PXK: variants seen among roughly 807,000 people sequenced by gnomAD.
PXK encodes PX domain-containing protein kinase-like protein.
PXK carries 35 observed loss-of-function variants against 84.7 expected under a neutral mutation model. The ratio of observed to expected loss-of-function variants is 0.41; its 90% CI spans 0.32 to 0.55. PXK has a LOEUF of 0.55. PXK is among the 20% of genes least tolerant of loss of function. The probability of loss-of-function intolerance (pLI) is 0.21; values close to 1 mark genes in which losing one functional copy is unlikely to be tolerated. For missense variants in PXK, 634 were observed against 699.7 expected, an observed-to-expected ratio of 0.91 and a Z score of 1.06; for synonymous variants, 253 against 260.8, an observed-to-expected ratio of 0.97 and a Z score of 0.29.
At chr3:58,350,491 C>G (rs989206452) in intron 1 of PXK, among the ~76,000 whole-genome samples, 1 of 152,200 alleles carries the variant, frequency 6.6e-6, no homozygotes, top group Non-Finnish European at 1.5e-5. Context: ...GCACTCTGTT[C>G]ATCAAAATGA....
At chr3:58,366,257 C>T (rs982335495) in intron 2 of PXK, among the ~76,000 whole-genome samples, 2 of 152,048 alleles carry the variant, frequency 1.3e-5, no homozygotes, top group Non-Finnish European at 2.9e-5. Context: ...GGTTTGAGTT[C>T]AGTCTACCAG....
In PXK at chr3:58,412,767, C is replaced by G. The variant is rs370158411; in HGVS notation, c.1466-134C>G. On this transcript the variant is annotated intron_variant, in intron 16 of 17. Coordinates refer to ENST00000356151, the MANE Select transcript of PXK (RefSeq NM_017771.5). The surrounding 1 kb of genome is among the most constrained non-coding windows in gnomAD (Gnocchi z 6.2). ...GGTCCGGTCTCTGAGTTTTTTGTCC[C>G]TCATCATCTTGTTTCACAAGGCTCA... 2.0e-4 allele frequency: 170 copies of G among 871,608 alleles called. 1 individual carries two copies. The African/African-American group carries it at 2.1e-3, about 11-fold the overall frequency. The allele number at this position is 871,608 out of a possible 1,614,324, so 54.0% of individuals were successfully genotyped here. A position where few individuals can be genotyped will look rare whatever the true frequency, so the allele number is the denominator to read the frequency against.
Position 58,369,431 on chromosome 3 carries a change from A to G in PXK, c.154A>G (p.Ile52Val). ...AAACACTACTTCTTGTCTCTTACAG[A>G]TTGTTAGAAGATACAGTGACTTTGA... ...RGISVENSWQIVRRYSDFDLL... is the reference protein window; with the variant it reads ...RGISVENSWQVVRRYSDFDLL... Residue 52 changes from isoleucine to valine, a missense_variant and splice_region_variant, in exon 3 of 18, where the codon ATT becomes GTT. Physicochemically the swap from Ile to Val is conservative, Grantham distance 29. Coordinates refer to ENST00000356151, the MANE Select transcript of PXK (RefSeq NM_017771.5). The G allele has an allele frequency of 3.1e-6, 5 of 1,606,794 alleles. No individual in the cohort carries two copies. The highest frequency in any genetic ancestry group is 4.3e-6 in the Non-Finnish European group (5 of 1,173,504).
In PXK at chr3:58,366,491, G is replaced by T. The variant is rs542842689; in HGVS notation, c.153+567G>T. 2.0e-5 allele frequency among the ~76,000 whole-genome samples: 3 copies of T among 152,150 alleles called. No individual in the cohort carries two copies. In the South Asian group the frequency reaches 6.2e-4, roughly 32 times the overall value. On this transcript the variant is annotated intron_variant, in intron 2 of 17. Coordinates refer to ENST00000356151, the MANE Select transcript of PXK (RefSeq NM_017771.5). ...TTCCCATCTGAGTTGACTTACAGAG[G>T]GTGGCTGAATTCTGCATAGGGGCCC...
Position 58,379,873 on chromosome 3 carries a change from G to A in PXK, c.202-2641G>A, listed in dbSNP as rs1441381860. 6.6e-6 allele frequency among the ~76,000 whole-genome samples: 1 copy of A among 152,120 alleles called. No individual in the cohort carries two copies. Among genetic ancestry groups the A allele is most frequent in the Non-Finnish European group, 1.5e-5 (1 of 68,032 alleles). On this transcript the variant is annotated intron_variant, in intron 3 of 17. Coordinates refer to ENST00000356151, the MANE Select transcript of PXK (RefSeq NM_017771.5). This position sits in a 1 kb window ranked among gnomAD's most constrained non-coding sequence, Gnocchi z 5.1. Reference sequence around the variant, plus strand: ...CAGGTGTGTACCACTTGTAGAGGCTGAGGTGACAGGATTGCTTGAGCTTAG... The same window carrying A: ...CAGGTGTGTACCACTTGTAGAGGCTAAGGTGACAGGATTGCTTGAGCTTAG...
At chr3:58,351,631 T>C (rs529881390) in intron 1 of PXK, among the ~76,000 whole-genome samples, 17 of 152,110 alleles carry the variant, frequency 1.1e-4, no homozygotes, top group Admixed American at 2.0e-4. Flanking sequence ...TTCCAAAAAT[T>C]GTTTTTCCTG....
chr3:58,346,177 A>C (rs2097813543), intron 1 of PXK, among the ~76,000 whole-genome samples: 1 of 152,198 alleles, frequency 6.6e-6, no homozygotes, highest in Non-Finnish European at 1.5e-5. Flanking sequence ...GGTTAGAGCC[A>C]ATTGTGGGGC....
In PXK at chr3:58,333,157, C is replaced by G. The variant is rs1400344841; in HGVS notation, c.102+67C>G. 1 of 936,542 alleles carries G rather than the reference C, an allele frequency of 1.1e-6. No individual in the cohort carries two copies. Among genetic ancestry groups the G allele is most frequent in the Non-Finnish European group, 1.3e-6 (1 of 776,840 alleles). The allele number at this position is 936,542 out of a possible 1,614,324, so 58.0% of individuals were successfully genotyped here. A position where few individuals can be genotyped will look rare whatever the true frequency, so the allele number is the denominator to read the frequency against. On this transcript the variant is annotated intron_variant, in intron 1 of 17. Transcript: ENST00000356151. The surrounding 1 kb of genome is among the most constrained non-coding windows in gnomAD (Gnocchi z 5.4). ...CGGGCCGCGAGGGGGCTGCGGGCTG[C>G]CTGGCGCGGGCCGGGCAGGGTCGTC...
At chr3:58,360,420 C>T (rs998560543) in intron 1 of PXK, among the ~76,000 whole-genome samples, 6 of 152,184 alleles carry the variant, frequency 3.9e-5, no homozygotes, top group Non-Finnish European at 7.4e-5. Context: ...TCTAAATAAC[C>T]TATTTAAATC....
At position 58,400,167 on chromosome 3, in the gene PXK, A is replaced by G. The variant is rs747990124; in HGVS notation, c.1181+790A>G. 2.0e-5 allele frequency among the ~76,000 whole-genome samples: 3 copies of G among 152,100 alleles called. No individual in the cohort carries two copies. The highest frequency in any genetic ancestry group is 6.5e-5 in the Admixed American group (1 of 15,274). The stretch of plus-strand genomic sequence containing the variant: ...TGTGAACTGTGAAATGGGAATGATA[A>G]TAAGTTCCCACCTCAGAAGGTAGTT... On this transcript the variant is annotated intron_variant, in intron 12 of 17. Transcript: ENST00000356151. The surrounding 1 kb of genome is among the most constrained non-coding windows in gnomAD (Gnocchi z 4.0).
At chr3:58,344,711 C>T (rs2097787457) in intron 1 of PXK, among the ~76,000 whole-genome samples, 1 of 152,196 alleles carries the variant, frequency 6.6e-6, no homozygotes, top group Admixed American at 6.5e-5. Context: ...ACCTGTAATC[C>T]CAGCTACTCA....
chr3:58,418,047 G>A (rs2061260551), intron 17 of PXK, among the ~76,000 whole-genome samples: 1 of 152,126 alleles, frequency 6.6e-6, no homozygotes, highest in South Asian at 2.1e-4. Flanking sequence ...TTGAGCTCTG[G>A]GGCTCAAGTG....
In PXK at chr3:58,360,651, G is replaced by A. The variant is rs2098167705; in HGVS notation, c.103-5223G>A. Among the ~76,000 whole-genome samples the A allele has an allele frequency of 4.6e-5, 7 of 152,114 alleles. No individual in the cohort carries two copies. In the South Asian group the frequency reaches 1.5e-3, roughly 32 times the overall value. ...GTTTGAGACCAGCCTGGGCAACATG[G>A]TGAAACACCGTCTCTACAAAAAATA... On this transcript the variant is annotated intron_variant, in intron 1 of 17. Coordinates refer to ENST00000356151, the MANE Select transcript of PXK (RefSeq NM_017771.5).
At chr3:58,346,224 G>GA (rs1366084607) in intron 1 of PXK, among the ~76,000 whole-genome samples, 1 of 152,166 alleles carries the variant, frequency 6.6e-6, no homozygotes, top group Non-Finnish European at 1.5e-5. Flanking sequence ...GAACAACAGT[G>GA]AGGGGGGGTT....
intron 1 of PXK, 147 bp from the exon 2 acceptor site, chr3:58,365,727 T>C (rs1355115463): frequency 5.4e-6 from 3 of 553,472 alleles, no homozygotes; most frequent in Non-Finnish European, 9.2e-6. Flanking sequence ...TTTGTTTTTA[T>C]GTAATGTCCC....
chr3:58,378,858 A>G (rs561067216), intron 3 of PXK, among the ~76,000 whole-genome samples: 1 of 151,814 alleles, frequency 6.6e-6, no homozygotes, highest in African/African-American at 2.4e-5. Context: ...TTTAAGGAGT[A>G]TGTAGACATA....
intron 13 of PXK, among the ~76,000 whole-genome samples, chr3:58,406,424 C>T (rs1266022722): frequency 2.0e-5 from 3 of 151,622 alleles, no homozygotes; most frequent in African/African-American, 7.3e-5. Context: ...ACAACAGGCG[C>T]GTACCACCAC....
rs2057556619 is a variant in PXK at position 58,395,729 on chromosome 3, A to G, written c.792A>G (p.Gln264=). ...AGATTCAGGGCCTGGAACTCCAGCA[A>G]ATAAAAACATATGGACGGCAAATAT... ...PKKIQGLELQ[Q]IKTYGRQILE... The change falls in exon 9 of 18, where the codon CAA becomes CAG. Residue 264 remains glutamine (Q), a synonymous_variant. Transcript: ENST00000356151. 2 of 1,612,790 alleles carry G rather than the reference A, an allele frequency of 1.2e-6. No individual in the cohort carries two copies. The highest frequency in any genetic ancestry group is 1.7e-6 in the Non-Finnish European group (2 of 1,178,938).
At chr3:58,384,771 T>C in intron 4 of PXK, among the ~76,000 whole-genome samples, 1 of 152,226 alleles carries the variant, frequency 6.6e-6, no homozygotes. Context: ...ATGCCATTTA[T>C]TCAACAAATG....
Sources: gnomAD v4.1 joint callset for allele counts (sites outside exome capture counted in the v4.1 genomes callset) on GRCh38, gnomAD v4.1.1 for gene constraint, Gnocchi (gnomAD v3.1) non-coding constraint, MANE v1.5 for transcripts, NCBI Gene and HGNC (gene_info 2026-07-23, HGNC 2026-07-21) for gene names.